Variants in JADE2 observed in about 807,000 individuals in gnomAD.
JADE2 encodes jade family PHD finger 2.
In JADE2, 13 loss-of-function variants were observed where a neutral mutation model predicts 85.7. That is an observed-to-expected ratio of 0.15 (90% CI 0.10 to 0.24). The LOEUF is 0.24. Ranked by LOEUF, JADE2 falls within the 10% of genes least tolerant of loss-of-function variation. JADE2 has a pLI of 1.00. For synonymous variants in JADE2, 440 were observed against 456.1 expected (o/e 0.96, Z 0.45); for missense variants, 846 against 1,115.9 (o/e 0.76, Z 3.45).
chr5:134,565,942 C>G (rs1763614584), intron 8 of JADE2, among the ~76,000 whole-genome samples, 174 bp from the exon 9 acceptor site: 1 of 151,802 alleles, frequency 6.6e-6, no homozygotes, highest in African/African-American at 2.4e-5. Flanking sequence ...AGAGCTCCTC[C>G]TCCTCCCCTG....
chr5:134,558,767 A>G (rs1433968337), intron 4 of JADE2, among the ~76,000 whole-genome samples: 1 of 152,228 alleles, frequency 6.6e-6, no homozygotes, highest in African/African-American at 2.4e-5. Flanking sequence ...CGAACTCCTC[A>G]TCACAGGTGA....
At chr5:134,546,219 A>C (rs987644917) in intron 3 of JADE2, among the ~76,000 whole-genome samples, 1 of 151,952 alleles carries the variant, frequency 6.6e-6, no homozygotes, top group Non-Finnish European at 1.5e-5. Context: ...CCCAGGCTGG[A>C]GTGCAGTGGC....
At chr5:134,561,297 C>T (rs573643452) in intron 6 of JADE2, among the ~76,000 whole-genome samples, 2 of 152,320 alleles carry the variant, frequency 1.3e-5, no homozygotes, top group South Asian at 2.1e-4. Flanking sequence ...AGCAAAGCTG[C>T]CAGATTTCAA....
chr5:134,545,190 C>T (rs1168423178), intron 3 of JADE2, among the ~76,000 whole-genome samples: 1 of 152,198 alleles, frequency 6.6e-6, no homozygotes, highest in Non-Finnish European at 1.5e-5. Flanking sequence ...CGAGCCCTTC[C>T]GCTAGGCTAA....
At chr5:134,524,700 C>A (rs776525213), upstream of JADE2, among the ~76,000 whole-genome samples, 1 of 152,200 alleles carries the variant, frequency 6.6e-6, no homozygotes, top group Non-Finnish European at 1.5e-5. Context: ...CCAGGAGGCA[C>A]CCGGGAGGGG....
chr5:134,536,052 G>A, intron 2 of JADE2, 137 bp downstream of exon 2: 1 of 762,018 alleles, frequency 1.3e-6, no homozygotes, highest in East Asian at 2.6e-5. Flanking sequence ...AATCAAGTCA[G>A]GTTTCTCCAC....
At chr5:134,541,944 T>G (rs1425251298) in intron 3 of JADE2, among the ~76,000 whole-genome samples, 5 of 152,266 alleles carry the variant, frequency 3.3e-5, no homozygotes, top group African/African-American at 1.2e-4. Flanking sequence ...GCTTCCCATC[T>G]GGCCCTTGCC....
In JADE2 at chr5:134,580,143, A is replaced by G. The variant is rs1764630052; in HGVS notation, c.*826A>G. The G allele has an allele frequency of 6.5e-6, 1 of 152,804 alleles. No homozygotes were observed. The highest frequency in any genetic ancestry group is 2.1e-4 in the South Asian group (1 of 4,834). The allele number at this position is 152,804 out of a possible 1,614,324, so 9.5% of individuals were successfully genotyped here. ...TGGGGCTCAGACCAGCCCACTGTAG[A>G]GAATCACTCTGAGGCTCCAACTTCC... On this transcript the variant is annotated 3_prime_UTR_variant, in exon 12 of 12. Transcript: ENST00000681547.
intron 4 of JADE2, among the ~76,000 whole-genome samples, chr5:134,559,403 A>G (rs1763187155): frequency 6.6e-6 from 1 of 152,220 alleles, no homozygotes; most frequent in South Asian, 2.1e-4. Flanking sequence ...TGTTGCTGGC[A>G]CAGGGCATTG....
At position 134,538,017 on chromosome 5, in the gene JADE2, A is replaced by G. The variant is rs1170470458; in HGVS notation, c.87A>G (p.Arg29=). ...ATGCGACATCTACATCCGCATCAAG[A>G]TGCTCCAAACTGCCCAGCAGCACCA... ...DSHATSTSAS[R]CSKLPSSTKS... Residue 29 remains arginine, a synonymous_variant, in exon 3 of 12, where the codon AGA becomes AGG. Transcript: ENST00000681547. 17 of 1,614,022 alleles carry G rather than the reference A, an allele frequency of 1.1e-5. No individual in the cohort carries two copies. The highest frequency in any genetic ancestry group is 1.4e-5 in the Non-Finnish European group (17 of 1,180,016).
Position 134,582,384 on chromosome 5 carries a change from G to A in JADE2, c.*3067G>A, listed in dbSNP as rs1025046406. On this transcript the variant is annotated 3_prime_UTR_variant, in exon 12 of 12. Transcript: ENST00000681547. ...GTTTGTGGGGGGTGTGCCAGGCCAC[G>A]TCTCGTGTGTCCGTATGCAGGCATG... The A allele has an allele frequency of 4.0e-5, 6 of 151,148 alleles. No homozygotes were observed. Among genetic ancestry groups the A allele is most frequent in the African/African-American group, 9.8e-5 (4 of 41,002 alleles). The allele number at this position is 151,148 out of a possible 1,614,324, so 9.4% of individuals were successfully genotyped here. A position where few individuals can be genotyped will look rare whatever the true frequency, so the allele number is the denominator to read the frequency against.
chr5:134,537,566 C>A (rs922532156), intron 2 of JADE2, among the ~76,000 whole-genome samples: 1 of 152,220 alleles, frequency 6.6e-6, no homozygotes, highest in African/African-American at 2.4e-5. Context: ...TGCTTCAGAG[C>A]ATCTCTCTTC....
At chr5:134,560,328 A>C (rs983990000) in intron 5 of JADE2, among the ~76,000 whole-genome samples, 19 of 152,158 alleles carry the variant, frequency 1.2e-4, no homozygotes, top group African/African-American at 4.6e-4. Flanking sequence ...GGCTGGGGTC[A>C]GGAGGTGTGG....
intron 7 of JADE2, chr5:134,564,099 T>C: frequency 6.4e-6 from 1 of 156,052 alleles, no homozygotes; most frequent in Non-Finnish European, 1.4e-5. Flanking sequence ...GAAGATGTTA[T>C]TAACAAAGGC....
chr5:134,554,997 G>A (rs1311362650), intron 4 of JADE2, among the ~76,000 whole-genome samples: 1 of 152,160 alleles, frequency 6.6e-6, no homozygotes, highest in Non-Finnish European at 1.5e-5. Flanking sequence ...CATGGCCACC[G>A]GGGCCTAGTG....
chr5:134,557,375 C>CTTTT (rs59421890), intron 4 of JADE2, among the ~76,000 whole-genome samples: 1 of 121,774 alleles, frequency 8.2e-6, no homozygotes, highest in Non-Finnish European at 1.7e-5. Context: ...TTGAAAATAA[C>CTTTT]TTTTTTTTTT....
Position 134,525,705 on chromosome 5 carries a change from C to T in JADE2, c.-307C>T, listed in dbSNP as rs929400324. 20 of 1,244,220 alleles carry T rather than the reference C, an allele frequency of 1.6e-5. No homozygotes were observed. The African/African-American group carries it at 2.6e-4, about 16-fold the overall frequency. The allele number at this position is 1,244,220 out of a possible 1,614,324, so 77.1% of individuals were successfully genotyped here. A position where few individuals can be genotyped will look rare whatever the true frequency, so the allele number is the denominator to read the frequency against. On this transcript the variant is annotated 5_prime_UTR_variant, in exon 1 of 12. Coordinates refer to ENST00000681547, the MANE Select transcript of JADE2 (RefSeq NM_001388185.1). ...ACAGGGGGTTGGTGAATGGTGCCGACCGCGGCCATCGCAGTTGGAGGCTAT... is the reference window on the plus strand; with the variant it reads ...ACAGGGGGTTGGTGAATGGTGCCGATCGCGGCCATCGCAGTTGGAGGCTAT...
At chr5:134,544,080 G>C (rs1464253993) in intron 3 of JADE2, among the ~76,000 whole-genome samples, 2 of 152,276 alleles carry the variant, frequency 1.3e-5, no homozygotes, top group African/African-American at 4.8e-5. Context: ...ACAGGCGGAA[G>C]GGCAGGCCAA....
intron 3 of JADE2, among the ~76,000 whole-genome samples, chr5:134,541,329 G>A (rs897785213): frequency 3.3e-5 from 5 of 152,220 alleles, no homozygotes; most frequent in Non-Finnish European, 7.3e-5. Flanking sequence ...ATCAATGAAC[G>A]CTTCCAAGTT....
Sources: gnomAD v4.1 joint callset for allele counts (sites outside exome capture counted in the v4.1 genomes callset) on GRCh38, gnomAD v4.1.1 for gene constraint, MANE v1.5 for transcripts, NCBI Gene and HGNC (gene_info 2026-07-23, HGNC 2026-07-21) for gene names.